Variants in CHD9NB observed in about 807,000 individuals in gnomAD.
CHD9NB encodes CHD9 neighbor protein.
At chr16:53,039,682 T>G in the CHD9NB span, among the ~76,000 whole-genome samples, 1 of 151,498 alleles carries the variant, frequency 6.6e-6, no homozygotes, top group Non-Finnish European at 1.5e-5. Context: ...GAGGCAGGGG[T>G]TGCAGTGAGC....
At chr16:53,046,974 G>A in the CHD9NB span, among the ~76,000 whole-genome samples, 1 of 152,114 alleles carries the variant, frequency 6.6e-6, no homozygotes, top group African/African-American at 2.4e-5. Context: ...TCAGCTCAGG[G>A]TACACAGCCC....
chr16:53,041,605 C>A, the CHD9NB span, among the ~76,000 whole-genome samples: 1 of 152,130 alleles, frequency 6.6e-6, no homozygotes, highest in East Asian at 1.9e-4. Context: ...GTGAGCTCTG[C>A]CCCTCAGGAG....
chr16:53,048,623 C>G, the CHD9NB span, among the ~76,000 whole-genome samples: 3 of 152,230 alleles, frequency 2.0e-5, no homozygotes, highest in Non-Finnish European at 4.4e-5. Flanking sequence ...TTTAGCTCAA[C>G]AGCTCTTTAT....
chr16:53,042,271 T>C, the CHD9NB span, among the ~76,000 whole-genome samples: 5 of 138,496 alleles, frequency 3.6e-5, no homozygotes, highest in African/African-American at 1.1e-4. Context: ...CTACCCCTTT[T>C]CCCTCACCCC....
the CHD9NB span, among the ~76,000 whole-genome samples, chr16:53,041,663 G>T: frequency 4.0e-4 from 61 of 152,108 alleles, 1 homozygote; most frequent in East Asian, 9.9e-3. Context: ...CACCAGCTGC[G>T]AACTCTTTCC....
chr16:53,038,191 C>G, the CHD9NB span, among the ~76,000 whole-genome samples: 52 of 152,308 alleles, frequency 3.4e-4, no homozygotes, highest in Non-Finnish European at 6.5e-4. Flanking sequence ...TTCAGACCTT[C>G]AACAGATTAG....
the CHD9NB span, among the ~76,000 whole-genome samples, chr16:53,052,375 C>G: frequency 6.6e-6 from 1 of 152,046 alleles, no homozygotes; most frequent in African/African-American, 2.4e-5. Context: ...GATGACAGAA[C>G]AAGACCCCAT....
At chr16:53,042,093 A>G in the CHD9NB span, among the ~76,000 whole-genome samples, 2 of 152,048 alleles carry the variant, frequency 1.3e-5, no homozygotes, top group Admixed American at 6.5e-5. Context: ...AAGAATCTCA[A>G]TCAGTTTCTC....
At chr16:53,049,966 G>GGCC in the CHD9NB span, among the ~76,000 whole-genome samples, 1 of 152,244 alleles carries the variant, frequency 6.6e-6, no homozygotes, top group South Asian at 2.1e-4. Flanking sequence ...CACTTTCGGA[G>GGCC]GCCGAGGTGG....
chr16:53,037,297 C>T, the CHD9NB span, among the ~76,000 whole-genome samples: 2 of 152,170 alleles, frequency 1.3e-5, no homozygotes, highest in Non-Finnish European at 2.9e-5. Flanking sequence ...GCTTTAGCTG[C>T]CGCTGTGTTC....
the CHD9NB span, among the ~76,000 whole-genome samples, chr16:53,039,773 G>A: frequency 3.3e-5 from 5 of 151,770 alleles, no homozygotes; most frequent in Non-Finnish European, 7.4e-5. Flanking sequence ...AAGACTCTCA[G>A]TGGACTAGTT....
At chr16:53,037,935 A>T in the CHD9NB span, among the ~76,000 whole-genome samples, 1 of 152,210 alleles carries the variant, frequency 6.6e-6, no homozygotes, top group African/African-American at 2.4e-5. Flanking sequence ...GAGATTTATT[A>T]TGGGAATTGG....
chr16:53,040,769 G>T, the CHD9NB span, among the ~76,000 whole-genome samples: 3 of 152,144 alleles, frequency 2.0e-5, no homozygotes, highest in Non-Finnish European at 4.4e-5. Context: ...GAATCAATTG[G>T]TTAAAAGCAA....
chr16:53,042,082 A>G, the CHD9NB span, among the ~76,000 whole-genome samples: 2 of 152,264 alleles, frequency 1.3e-5, no homozygotes, highest in African/African-American at 4.8e-5. Context: ...TTATTGCTCA[A>G]AAGAATCTCA....
chr16:53,037,275 C>T, the CHD9NB span, among the ~76,000 whole-genome samples: 1 of 152,214 alleles, frequency 6.6e-6, no homozygotes. Context: ...AGCTTCTTCC[C>T]TTACAACAAG....
At chr16:53,038,224 G>A in the CHD9NB span, among the ~76,000 whole-genome samples, 1 of 152,230 alleles carries the variant, frequency 6.6e-6, no homozygotes, top group African/African-American at 2.4e-5. Flanking sequence ...GGGTCTTCTT[G>A]ACACAGTCTA....
At chr16:53,037,166 C>T in the CHD9NB span, among the ~76,000 whole-genome samples, 2 of 152,174 alleles carry the variant, frequency 1.3e-5, no homozygotes, top group African/African-American at 4.8e-5. Context: ...GATCTCCTGA[C>T]CTCATGATCC....
chr16:53,046,818 G>C, the CHD9NB span, among the ~76,000 whole-genome samples: 24 of 152,284 alleles, frequency 1.6e-4, no homozygotes, highest in Non-Finnish European at 2.4e-4. Context: ...CGAAATGATT[G>C]AGAATTTCAA....
the CHD9NB span, among the ~76,000 whole-genome samples, chr16:53,046,063 A>G: frequency 6.6e-6 from 1 of 152,144 alleles, no homozygotes; most frequent in African/African-American, 2.4e-5. Context: ...TTCAGAATAC[A>G]TTATGATGCT....
Sources: gnomAD v4.1 joint callset for allele counts (sites outside exome capture counted in the v4.1 genomes callset) on GRCh38, gnomAD v4.1.1 for gene constraint, MANE v1.5 for transcripts, NCBI Gene and HGNC (gene_info 2026-07-23, HGNC 2026-07-21) for gene names.